PHLDB1: variants seen among roughly 807,000 people sequenced by gnomAD.
PHLDB1 encodes pleckstrin homology-like domain family B member 1.
PHLDB1 carries 65 observed loss-of-function variants against 139.3 expected under a neutral mutation model. The ratio of observed to expected loss-of-function variants is 0.47; its 90% CI spans 0.38 to 0.57. PHLDB1 has a LOEUF of 0.57. PHLDB1 is among the 20% of genes least tolerant of loss of function. PHLDB1 has a pLI of 0.00. For synonymous variants in PHLDB1, 679 were observed against 734.5 expected, an observed-to-expected ratio of 0.92 and a Z score of 1.22; for missense variants, 1,624 against 1,839.7, an observed-to-expected ratio of 0.88 and a Z score of 2.14.
chr11:118,644,676 A>C, intron 15 of PHLDB1: 1 of 1,289,422 alleles, frequency 7.8e-7, no homozygotes, highest in South Asian at 1.2e-5. Context: ...GCCCCTCCCA[A>C]CCGACGACCC....
At position 118,642,340 on chromosome 11, in the gene PHLDB1, C is replaced by T. The variant is rs1555122019; in HGVS notation, c.2823C>T (p.Ala941=). ...GGCTGGGGACTGGCCCCGCTGCAGC[C>T]TCCCCTCACTCTTCTCCCCCGCCTC... The part of the protein sequence containing the change: ...MAGLGTGPAA[A]SPHSSPPPLP... The change falls in exon 13 of 23, where the codon GCC becomes GCT. Residue 941 remains alanine, a synonymous_variant. Coordinates refer to ENST00000600882, the MANE Select transcript of PHLDB1 (RefSeq NM_001144758.3). The T allele has an allele frequency of 3.1e-6, 5 of 1,611,850 alleles. 1 individual carries two copies. In the South Asian group the frequency reaches 5.5e-5, roughly 18 times the overall value.
intron 18 of PHLDB1, among the ~76,000 whole-genome samples, chr11:118,648,672 A>C (rs1555132577): frequency 6.6e-6 from 1 of 152,190 alleles, no homozygotes; most frequent in Admixed American, 6.5e-5. Context: ...TTCGGGACAG[A>C]AATCCTTCCT....
In PHLDB1 at chr11:118,648,073, C is replaced by T; in HGVS notation, c.3651C>T (p.Ser1217=). The T allele has an allele frequency of 6.2e-7, 1 of 1,613,202 alleles. No homozygotes were observed. The highest frequency in any genetic ancestry group is 8.5e-7 in the Non-Finnish European group (1 of 1,179,560). ...KEVKMREKQF[S]QARPLTRYLP... is the part of the protein sequence containing the mutation. Reference sequence around the variant, plus strand: ...TCAAGATGCGGGAGAAACAATTTTCCCAGGTGAATGGGCAGTGGGGCACAG... The same window carrying T: ...TCAAGATGCGGGAGAAACAATTTTCTCAGGTGAATGGGCAGTGGGGCACAG... The change falls in exon 18 of 23, where the codon TCC becomes TCT. Residue 1217 remains serine, a synonymous_variant. Coordinates refer to ENST00000600882, the MANE Select transcript of PHLDB1 (RefSeq NM_001144758.3).
At chr11:118,631,849 A>G (rs782533182) in intron 7 of PHLDB1, 64 bp from the exon 8 acceptor site, 20 of 1,520,132 alleles carry the variant, frequency 1.3e-5, no homozygotes, top group Non-Finnish European at 1.8e-5. Flanking sequence ...CAGGTGATCC[A>G]TTTTCTTAGT....
chr11:118,625,064 G>A lies in PHLDB1; in HGVS notation c.481+5G>A. 1 of 1,595,428 alleles carries A rather than the reference G, an allele frequency of 6.3e-7. No individual in the cohort carries two copies. Among genetic ancestry groups the A allele is most frequent in the Non-Finnish European group, 8.5e-7 (1 of 1,171,930 alleles). On this transcript the variant is annotated splice_donor_5th_base_variant and intron_variant, in intron 5 of 22. Transcript: ENST00000600882. ...CCCCCTACAGCCCTGTTCCTGGTAG[G>A]TACCGACGGGGGCAGGGTGCTGGGT...
intron 4 of PHLDB1, among the ~76,000 whole-genome samples, chr11:118,618,124 G>A (rs1350686965): frequency 6.6e-6 from 1 of 152,032 alleles, no homozygotes; most frequent in African/African-American, 2.4e-5. Context: ...GACCCTTCCC[G>A]ACTCTTCTCC....
At chr11:118,636,271 G>A (rs1318879795) in intron 10 of PHLDB1, among the ~76,000 whole-genome samples, 2 of 152,176 alleles carry the variant, frequency 1.3e-5, no homozygotes, top group Admixed American at 6.5e-5. Flanking sequence ...ACACATGCAT[G>A]TACATTTTGC....
At chr11:118,626,064 A>AAAAGCAGGCTCTTG (rs1943800124) in intron 5 of PHLDB1, among the ~76,000 whole-genome samples, 2 of 152,138 alleles carry the variant, frequency 1.3e-5, no homozygotes, top group African/African-American at 4.8e-5. Context: ...GGGGCATGGC[A>AAAAGCAGGCTCTTG]AAAGCAGGCT....
At chr11:118,636,123 G>C (rs1945599682) in intron 10 of PHLDB1, among the ~76,000 whole-genome samples, 1 of 152,202 alleles carries the variant, frequency 6.6e-6, no homozygotes, top group African/African-American at 2.4e-5. Flanking sequence ...GGTGGCACAG[G>C]TGACTGTGTA....
chr11:118,620,580 T>C lies in PHLDB1; in HGVS notation c.356-4354T>C, dbSNP rs1301609555. On this transcript the variant is annotated intron_variant, in intron 4 of 22. Transcript: ENST00000600882. This position sits in a 1 kb window ranked among gnomAD's most constrained non-coding sequence, Gnocchi z 4.1. ...GGGCTCCAGATATCTGTTTCCCAAGTAGGATGGGTACCTTATTGGGGTCGG... is the reference window on the plus strand; with the variant it reads ...GGGCTCCAGATATCTGTTTCCCAAGCAGGATGGGTACCTTATTGGGGTCGG... Among the ~76,000 whole-genome samples, 8 of 152,184 alleles carry C rather than the reference T, an allele frequency of 5.3e-5. No individual in the cohort carries two copies. Among genetic ancestry groups the C allele is most frequent in the African/African-American group, 1.9e-4 (8 of 41,414 alleles).
rs1220639111 is a variant in PHLDB1, at chr11:118,650,309, C to G, written c.3771+116C>G. On this transcript the variant is annotated intron_variant, in intron 19 of 22. Coordinates refer to ENST00000600882, the MANE Select transcript of PHLDB1 (RefSeq NM_001144758.3). This position sits in a 1 kb window ranked among gnomAD's most constrained non-coding sequence, Gnocchi z 4.7. The stretch of plus-strand genomic sequence containing the variant: ...TCTCTACCCTCACCTAACCAGATCT[C>G]TGTCCCAGGACCTGGTGTGCTGGCC... 1.0e-6 allele frequency: 1 copy of G among 1,004,620 alleles called. No homozygotes were observed. The highest frequency in any genetic ancestry group is 1.6e-6 in the Non-Finnish European group (1 of 628,322). 62.2% of individuals were successfully genotyped at this position (1,004,620 alleles called of 1,614,324 possible). A position where few individuals can be genotyped will look rare whatever the true frequency, so the allele number is the denominator to read the frequency against.
Position 118,623,160 on chromosome 11 carries a change from T to C in PHLDB1, c.356-1774T>C, listed in dbSNP as rs575727479. Among the ~76,000 whole-genome samples, 6 of 152,354 alleles carry C rather than the reference T, an allele frequency of 3.9e-5. No homozygotes were observed. The East Asian group carries it at 1.2e-3, about 29-fold the overall frequency. The stretch of plus-strand genomic sequence containing the variant: ...TGTCTCAGCGTCCAGGAATGTAGAC[T>C]TCTCTGCCAGTCTTAGCTCAGACTG... On this transcript the variant is annotated intron_variant, in intron 4 of 22. Coordinates refer to ENST00000600882, the MANE Select transcript of PHLDB1 (RefSeq NM_001144758.3).
chr11:118,625,514 T>C (rs544519452), intron 5 of PHLDB1, among the ~76,000 whole-genome samples: 1 of 152,322 alleles, frequency 6.6e-6, no homozygotes, highest in East Asian at 1.9e-4. Flanking sequence ...GGAGCAGCTG[T>C]ATTTTGTGTG....
At chr11:118,626,566 A>G (rs782674250) in intron 5 of PHLDB1, among the ~76,000 whole-genome samples, 2 of 152,018 alleles carry the variant, frequency 1.3e-5, no homozygotes, top group Non-Finnish European at 2.9e-5. Context: ...TATTTTTAGT[A>G]GAGATGGGGT....
chr11:118,615,194 C>CAAAAAAAAAAAA (rs71041841), intron 3 of PHLDB1: 3 of 65,558 alleles, frequency 4.6e-5, no homozygotes, highest in Non-Finnish European at 5.6e-5. Context: ...GACTCTATCT[C>CAAAAAAAAAAAA]AAAAAAAAAA....
chr11:118,622,462 T>A (rs1555096013), intron 4 of PHLDB1, among the ~76,000 whole-genome samples: 2 of 152,244 alleles, frequency 1.3e-5, no homozygotes, highest in African/African-American at 4.8e-5. Context: ...TCACTATTTA[T>A]AGCCCAGAGG....
In PHLDB1 at chr11:118,628,586, ACCT is replaced by A; in HGVS notation, c.1767_1769del (p.Leu590del). On this transcript the variant is annotated inframe_deletion, in exon 6 of 23. Coordinates refer to ENST00000600882, the MANE Select transcript of PHLDB1 (RefSeq NM_001144758.3). ...ACAGAGATCAGTGACAATGAGGACG[ACCT>A]CCTGGAGTACCACCGGCGACAGCGC... 6.2e-7 allele frequency: 1 copy of A among 1,612,518 alleles called. No homozygotes were observed. The highest frequency in any genetic ancestry group is 8.5e-7 in the Non-Finnish European group (1 of 1,179,834).
rs113410540 is a variant in PHLDB1 at position 118,639,256 on chromosome 11, C to T, written c.2736+5C>T. 4 of 1,609,752 alleles carry T rather than the reference C, an allele frequency of 2.5e-6. No homozygotes were observed. In the African/African-American group the frequency reaches 5.3e-5, roughly 22 times the overall value. ...ACCACATCGACCCTCAAAGAGGTAT[C>T]ATGATTGGATTAGCCCCAGCTTCAG... On this transcript the variant is annotated splice_donor_5th_base_variant and intron_variant, in intron 12 of 22. Coordinates refer to ENST00000600882, the MANE Select transcript of PHLDB1 (RefSeq NM_001144758.3).
At position 118,616,136 on chromosome 11, in the gene PHLDB1, C is replaced by G; in HGVS notation, c.280C>G (p.Leu94Val). 1.2e-6 allele frequency: 2 copies of G among 1,614,088 alleles called. No homozygotes were observed. Among genetic ancestry groups the G allele is most frequent in the Non-Finnish European group, 8.5e-7 (1 of 1,179,936 alleles). ...CTACATCGAGAACCTGCGGGGCACC[C>G]TCACCCTCTACCCCTGTGGCAATGC... ...HCYIENLRGTLTLYPCGNACT... is the reference protein window; with the variant it reads ...HCYIENLRGTVTLYPCGNACT... Residue 94 changes from leucine to valine, a missense_variant, in exon 4 of 23, where the codon CTC becomes GTC. Transcript: ENST00000600882.
Sources: allele counts gnomAD v4.1 joint callset (sites outside exome capture counted in the v4.1 genomes callset), GRCh38; gene constraint gnomAD v4.1.1; non-coding constraint Gnocchi (gnomAD v3.1); transcripts MANE v1.5; gene names NCBI Gene and HGNC (gene_info 2026-07-23, HGNC 2026-07-21).